FHIT: variants seen among roughly 807,000 people sequenced by gnomAD.
The protein encoded by FHIT is fragile histidine triad diadenosine triphosphatase.
In FHIT, 19 loss-of-function variants were observed where a neutral mutation model predicts 17.9. That is an observed-to-expected ratio of 1.06 (90% CI 0.74 to 1.56). The LOEUF (loss-of-function observed/expected upper bound fraction) is 1.56, where lower values mean the gene tolerates loss of function less well. FHIT is among the 40% of genes most tolerant of loss of function. The pLI is 0.00. For synonymous variants in FHIT, 81 were observed against 69.7 expected (o/e 1.16, Z -0.81); for missense variants, 248 against 189.2 (o/e 1.31, Z -1.82).
chr3:60,862,993 G>T (rs1335808060), intron 3 of FHIT, among the ~76,000 whole-genome samples: 8 of 152,168 alleles, frequency 5.3e-5, no homozygotes, highest in African/African-American at 1.7e-4. Flanking sequence ...AATTATCTGG[G>T]TATGCCTACC....
chr3:60,198,375 T>C (rs926962821), intron 5 of FHIT, among the ~76,000 whole-genome samples: 2 of 152,208 alleles, frequency 1.3e-5, no homozygotes, highest in Non-Finnish European at 2.9e-5. Flanking sequence ...CTTGGCCCGT[T>C]CACTTGGAAT....
chr3:61,242,082 T>G (rs2040386092), intron 1 of FHIT, among the ~76,000 whole-genome samples: 1 of 152,180 alleles, frequency 6.6e-6, no homozygotes, highest in Non-Finnish European at 1.5e-5. Flanking sequence ...AAACCAAGAA[T>G]GTTCCTGGAC....
At chr3:60,932,510 T>C (rs534578044) in intron 3 of FHIT, among the ~76,000 whole-genome samples, 2 of 152,152 alleles carry the variant, frequency 1.3e-5, no homozygotes, top group East Asian at 3.9e-4. Flanking sequence ...GGGGTATCTA[T>C]TCCCCATTTC....
chr3:60,756,125 T>C (rs2042566412), intron 4 of FHIT, among the ~76,000 whole-genome samples: 1 of 152,180 alleles, frequency 6.6e-6, no homozygotes, highest in African/African-American at 2.4e-5. Flanking sequence ...AGTGTATTAG[T>C]TAAATTTCAC....
chr3:60,090,433 C>T (rs1437838860), intron 5 of FHIT, among the ~76,000 whole-genome samples: 4 of 152,188 alleles, frequency 2.6e-5, no homozygotes, highest in Non-Finnish European at 5.9e-5. Context: ...GAAAGTCAGT[C>T]TCCCTTCTTC....
At chr3:60,569,745 A>T (rs1230431535) in intron 4 of FHIT, among the ~76,000 whole-genome samples, 10 of 58,800 alleles carry the variant, frequency 1.7e-4, no homozygotes, top group Non-Finnish European at 2.5e-4. Context: ...ATATATATAT[A>T]TATATATATA....
chr3:60,177,139 A>G (rs1192850405), intron 5 of FHIT, among the ~76,000 whole-genome samples: 1 of 152,120 alleles, frequency 6.6e-6, no homozygotes, highest in East Asian at 1.9e-4. Flanking sequence ...GTACAAAACC[A>G]CAAATTACAC....
chr3:60,861,622 C>G (rs1044525955), intron 3 of FHIT, among the ~76,000 whole-genome samples: 1 of 151,962 alleles, frequency 6.6e-6, no homozygotes, highest in South Asian at 2.1e-4. Context: ...ATAGTCTAGT[C>G]TCTCATGTTC....
At chr3:60,011,565 C>A (rs1368974878) in intron 6 of FHIT, among the ~76,000 whole-genome samples, 165 bp from the exon 7 acceptor site, 1 of 122,126 alleles carries the variant, frequency 8.2e-6, no homozygotes, top group African/African-American at 2.7e-5. Flanking sequence ...AGACAGTTCT[C>A]CATTTCCGCC....
intron 3 of FHIT, among the ~76,000 whole-genome samples, chr3:60,839,747 C>T (rs1575586225): frequency 6.6e-6 from 1 of 152,202 alleles, no homozygotes; most frequent in Non-Finnish European, 1.5e-5. Context: ...ATAGCTCACC[C>T]CACCCCCTTA....
chr3:60,606,511 G>C (rs148058994), intron 4 of FHIT, among the ~76,000 whole-genome samples: 6,124 of 152,184 alleles, frequency 0.04, 175 homozygotes, highest in Non-Finnish European at 0.062. Flanking sequence ...AAAGTGCTGG[G>C]ATTACAGGCG....
At chr3:60,794,592 G>T (rs1285028231) in intron 4 of FHIT, among the ~76,000 whole-genome samples, 1 of 152,192 alleles carries the variant, frequency 6.6e-6, no homozygotes, top group Non-Finnish European at 1.5e-5. Context: ...GAGAAGTAGT[G>T]CAGGATAGTA....
intron 5 of FHIT, among the ~76,000 whole-genome samples, chr3:60,491,804 TTTATG>T (rs1454668866): frequency 6.6e-6 from 1 of 152,200 alleles, no homozygotes; most frequent in Non-Finnish European, 1.5e-5. Context: ...CAATTTTGTC[TTTATG>T]TTGTTATTTA....
chr3:60,299,602 A>G (rs746178861), intron 5 of FHIT, among the ~76,000 whole-genome samples: 1 of 152,096 alleles, frequency 6.6e-6, no homozygotes, highest in South Asian at 2.1e-4. Flanking sequence ...CTAATTGTCT[A>G]TAATGCCTCT....
At chr3:60,770,337 C>A (rs1455540105) in intron 4 of FHIT, among the ~76,000 whole-genome samples, 1 of 151,804 alleles carries the variant, frequency 6.6e-6, no homozygotes, top group African/African-American at 2.4e-5. Context: ...AAATTTGTCT[C>A]GCGTGGCTGC....
At chr3:61,243,392 C>A (rs916272902) in intron 1 of FHIT, among the ~76,000 whole-genome samples, 4 of 152,126 alleles carry the variant, frequency 2.6e-5, no homozygotes, top group African/African-American at 9.7e-5. Flanking sequence ...GATTGTTTTT[C>A]TTTTTTCCTC....
In FHIT at chr3:60,376,190, G is replaced by T. The variant is rs374907971; in HGVS notation, c.103+160670C>A. ...TTGAGATTTTAAGTAGAGTAACTAG[G>T]TCTGTCTTGATCCCACAAAAGCCCA... On this transcript the variant is annotated intron_variant, in intron 5 of 9. Transcript: ENST00000492590. Among the ~76,000 whole-genome samples, 14 of 152,196 alleles carry T rather than the reference G, an allele frequency of 9.2e-5. No individual in the cohort carries two copies. The South Asian group carries it at 2.9e-3, about 32-fold the overall frequency.
chr3:60,118,021 C>T (rs913642078), intron 5 of FHIT, among the ~76,000 whole-genome samples: 5 of 152,160 alleles, frequency 3.3e-5, no homozygotes, highest in Non-Finnish European at 5.9e-5. Flanking sequence ...ATGATCCAAG[C>T]GGTGAGTTTG....
Position 59,824,100 on chromosome 3 carries a change from C to T in FHIT, c.349-71779G>A, listed in dbSNP as rs1338642983. On this transcript the variant is annotated intron_variant, in intron 8 of 9. Transcript: ENST00000492590. ...AAGAGCTCAACCCCTTTTACAATTC[C>T]TGCAAAAAATAAAATACTTCAGAAT... Among the ~76,000 whole-genome samples the T allele has an allele frequency of 2.0e-5, 3 of 152,246 alleles. No homozygotes were observed. In the East Asian group the frequency reaches 5.8e-4, roughly 29 times the overall value.
Sources: allele counts gnomAD v4.1 joint callset (sites outside exome capture counted in the v4.1 genomes callset), GRCh38; gene constraint gnomAD v4.1.1; transcripts MANE v1.5; gene names NCBI Gene and HGNC (gene_info 2026-07-23, HGNC 2026-07-21).